The following TNRC6B variants were observed in gnomAD, a reference collection of about 807,000 sequenced individuals.
The protein encoded by TNRC6B is trinucleotide repeat-containing gene 6B protein.
Under a neutral mutation model 203.6 loss-of-function variants are expected in TNRC6B, and 52 were observed. The ratio of observed to expected loss-of-function variants is 0.26; its 90% CI spans 0.20 to 0.32. The LOEUF is 0.32. Among genes scored for constraint, TNRC6B ranks in the 10% least tolerant of loss-of-function variants. The pLI is 1.00. For synonymous variants in TNRC6B, 838 were observed against 845.7 expected, an observed-to-expected ratio of 0.99 and a Z score of 0.16; for missense variants, 1,923 against 2,286.2, an observed-to-expected ratio of 0.84 and a Z score of 3.24.
intron 3 of TNRC6B, among the ~76,000 whole-genome samples, chr22:40,136,311 A>T (rs1375844136): frequency 6.6e-6 from 1 of 151,832 alleles, no homozygotes; most frequent in African/African-American, 2.4e-5. Context: ...AAAATTTGTT[A>T]TAGAGCTGAG....
At chr22:40,057,736 G>T (rs1314565309) in intron 1 of TNRC6B, among the ~76,000 whole-genome samples, 2 of 152,166 alleles carry the variant, frequency 1.3e-5, no homozygotes, top group African/African-American at 4.8e-5. Flanking sequence ...TACTTGCTGG[G>T]TACAAGATTC....
In TNRC6B at chr22:40,300,896, C is replaced by A; in HGVS notation, c.3841-14C>A. On this transcript the variant is annotated splice_polypyrimidine_tract_variant and intron_variant, in intron 13 of 22. Transcript: ENST00000454349. ...GGAAACTTTGGTTTTCTGTCTTTCCCCCTTGTTTTGTAGGCATGTCAGCTT... is the reference window on the plus strand; with the variant it reads ...GGAAACTTTGGTTTTCTGTCTTTCCACCTTGTTTTGTAGGCATGTCAGCTT... 2.5e-6 allele frequency: 4 copies of A among 1,611,914 alleles called. No individual in the cohort carries two copies. Among genetic ancestry groups the A allele is most frequent in the South Asian group, 1.1e-5 (1 of 90,436 alleles).
At chr22:40,049,598 T>C (rs2067728506) in intron 1 of TNRC6B, among the ~76,000 whole-genome samples, 1 of 152,172 alleles carries the variant, frequency 6.6e-6, no homozygotes, top group Non-Finnish European at 1.5e-5. Flanking sequence ...ATTTACCTGC[T>C]GGCATTCTTT....
intron 6 of TNRC6B, 68 bp downstream of exon 6, chr22:40,270,348 C>G (rs2070544222): frequency 7.6e-7 from 1 of 1,314,496 alleles, no homozygotes; most frequent in African/African-American, 1.6e-5. Context: ...GACGGAGTTT[C>G]ACTCTTGTCC....
intron 12 of TNRC6B, among the ~76,000 whole-genome samples, chr22:40,289,940 C>T (rs776293130): frequency 1.3e-5 from 2 of 152,256 alleles, no homozygotes; most frequent in African/African-American, 2.4e-5. Flanking sequence ...AACCTTGGAG[C>T]TCGTGACCAT....
At chr22:40,253,683 T>C in intron 3 of TNRC6B, 1 of 456,362 alleles carries the variant, frequency 2.2e-6, no homozygotes, top group Non-Finnish European at 4.4e-6. Context: ...AGACAGCAAG[T>C]AAAAATACCA....
chr22:40,153,686 G>C (rs1288907329), intron 3 of TNRC6B, among the ~76,000 whole-genome samples: 14 of 151,800 alleles, frequency 9.2e-5, no homozygotes, highest in Admixed American at 9.2e-4. Context: ...TAATAGCACT[G>C]TTAGCACTGA....
chr22:40,222,728 C>CCTTTTTTTT (rs2069728112), intron 1 of TNRC6B, among the ~76,000 whole-genome samples: 1 of 40,184 alleles, frequency 2.5e-5, no homozygotes, highest in Non-Finnish European at 4.0e-5. Flanking sequence ...CTCTCTCTCT[C>CCTTTTTTTT]TTTTTTTTTT....
intron 12 of TNRC6B, among the ~76,000 whole-genome samples, chr22:40,289,732 A>T (rs1158941933): frequency 1.3e-5 from 2 of 152,156 alleles, no homozygotes; most frequent in East Asian, 3.8e-4. Flanking sequence ...TACCAAGTGG[A>T]ATGACTTTAA....
At chr22:40,119,043 C>T (rs760722081) in intron 2 of TNRC6B, among the ~76,000 whole-genome samples, 3 of 152,128 alleles carry the variant, frequency 2.0e-5, no homozygotes, top group Non-Finnish European at 2.9e-5. Context: ...ACCAGGCAGA[C>T]GAGGCTGGAG....
intron 17 of TNRC6B, among the ~76,000 whole-genome samples, chr22:40,311,839 G>A (rs11914136): frequency 0.044 from 6,693 of 152,244 alleles, 467 homozygotes; most frequent in African/African-American, 0.15. Flanking sequence ...CACCACGCCC[G>A]GCCAAAGTAG....
At chr22:40,242,939 G>A (rs944776485) in intron 1 of TNRC6B, among the ~76,000 whole-genome samples, 3 of 151,842 alleles carry the variant, frequency 2.0e-5, no homozygotes, top group African/African-American at 7.3e-5. Context: ...GCGTAATCTT[G>A]GCTAACTGCA....
intron 2 of TNRC6B, among the ~76,000 whole-genome samples, chr22:40,119,711 T>G (rs992204576): frequency 6.6e-6 from 1 of 152,278 alleles, no homozygotes; most frequent in African/African-American, 2.4e-5. Context: ...AGTTTTCATG[T>G]AAGTGGGCTT....
intron 16 of TNRC6B, 136 bp from the exon 17 acceptor site, chr22:40,310,681 G>T: frequency 1.2e-6 from 1 of 868,608 alleles, no homozygotes. Context: ...AGTCTCGAAT[G>T]CAACCTCTTA....
intron 4 of TNRC6B, among the ~76,000 whole-genome samples, chr22:40,158,731 A>G (rs1164081044): frequency 1.3e-5 from 2 of 152,084 alleles, no homozygotes; most frequent in East Asian, 3.8e-4. Flanking sequence ...ATTCTGTTCT[A>G]TTTCTGTTTT....
At chr22:40,258,073 T>A (rs957954363) in intron 3 of TNRC6B, among the ~76,000 whole-genome samples, 2 of 60,806 alleles carry the variant, frequency 3.3e-5, no homozygotes, top group African/African-American at 4.5e-4. Flanking sequence ...TACACAGCCT[T>A]TTTTTTTTTT....
In TNRC6B at chr22:40,171,080, TTATATA is replaced by T. The variant is rs748216772; in HGVS notation, c.113+14902_113+14907del. Among the ~76,000 whole-genome samples, 66 of 149,172 alleles carry T rather than the reference TTATATA, an allele frequency of 4.4e-4. 1 individual carries two copies. Among genetic ancestry groups the T allele is most frequent in the Non-Finnish European group, 7.0e-4 (47 of 67,268 alleles). On this transcript the variant is annotated intron_variant, in intron 4 of 23. Coordinates refer to the TNRC6B transcript ENST00000301923. ...CATACATGTATCTATATATGTATGT[TTATATA>T]TATGTATGTATAGGAATTTTTGCAA...
At chr22:40,317,321 T>C (rs1445112701) in intron 21 of TNRC6B, among the ~76,000 whole-genome samples, 1 of 152,230 alleles carries the variant, frequency 6.6e-6, no homozygotes, top group Admixed American at 6.5e-5. Flanking sequence ...GGCTCACGCC[T>C]GTAATCCCAG....
chr22:40,191,648 C>T (rs2069275145), intron 1 of TNRC6B, among the ~76,000 whole-genome samples: 1 of 152,208 alleles, frequency 6.6e-6, no homozygotes, highest in Non-Finnish European at 1.5e-5. Flanking sequence ...ATAGTGTGAT[C>T]ATAGCTCACT....
Sources: allele counts gnomAD v4.1 joint callset (sites outside exome capture counted in the v4.1 genomes callset), GRCh38; gene constraint gnomAD v4.1.1; transcripts MANE v1.5; gene names NCBI Gene and HGNC (gene_info 2026-07-23, HGNC 2026-07-21).